The following SAMD12 variants were observed in gnomAD, a reference collection of about 807,000 sequenced individuals.
SAMD12 encodes the protein sterile alpha motif domain containing 12, also known as sterile alpha motif domain-containing protein 12.
Under a neutral mutation model 15.0 loss-of-function variants are expected in SAMD12, and 9 were observed. The observed-to-expected ratio is 0.60, with a 90% confidence interval of 0.36 to 1.05. The LOEUF is 1.05. SAMD12 is among the 50% of genes least tolerant of loss of function. The probability of loss-of-function intolerance (pLI) is 0.01; values close to 1 mark genes in which losing one functional copy is unlikely to be tolerated. For synonymous variants in SAMD12, 86 were observed against 90.1 expected (o/e 0.96, Z 0.25); for missense variants, 230 against 234.2 (o/e 0.98, Z 0.12).
At chr8:118,132,991 TATATATA>T in the SAMD12 span, among the ~76,000 whole-genome samples, 2 of 78,616 alleles carry the variant, frequency 2.5e-5, no homozygotes, top group Non-Finnish European at 5.4e-5. Flanking sequence ...TATATATATA[TATATATA>T]TATATATATA....
intron 3 of SAMD12, among the ~76,000 whole-genome samples, chr8:118,414,463 C>T (rs148838318): frequency 6.6e-6 from 1 of 152,278 alleles, no homozygotes; most frequent in African/African-American, 2.4e-5. Flanking sequence ...TCTTTATACC[C>T]AATCTACTTT....
At chr8:118,404,656 T>A (rs2130796179) in intron 3 of SAMD12, among the ~76,000 whole-genome samples, 1 of 152,280 alleles carries the variant, frequency 6.6e-6, no homozygotes, top group East Asian at 1.9e-4. Context: ...TATATGCAGA[T>A]TTCACGGGCC....
At chr8:118,507,347 T>C (rs34696241) in intron 2 of SAMD12, among the ~76,000 whole-genome samples, 34,574 of 152,020 alleles carry the variant, frequency 0.23, 4,151 homozygotes, top group South Asian at 0.41. Flanking sequence ...CACCTGTATA[T>C]ATGTCCCATA....
the SAMD12 span, among the ~76,000 whole-genome samples, chr8:118,167,720 C>A: frequency 8.5e-5 from 13 of 152,144 alleles, no homozygotes; most frequent in African/African-American, 3.1e-4. Context: ...TTCCTTCAGC[C>A]TTTCCCCTGA....
chr8:118,305,270 A>G (rs1012833832), intron 4 of SAMD12, among the ~76,000 whole-genome samples: 1 of 151,526 alleles, frequency 6.6e-6, no homozygotes, highest in Non-Finnish European at 1.5e-5. Flanking sequence ...GAAACTCTGA[A>G]CCTGTTAAAT....
In SAMD12 at chr8:118,281,608, C is replaced by T. The variant is rs1429080345; in HGVS notation, c.434-83876G>A. 2.0e-5 allele frequency among the ~76,000 whole-genome samples: 3 copies of T among 152,176 alleles called. No homozygotes were observed. The South Asian group carries it at 6.2e-4, about 32-fold the overall frequency. On this transcript the variant is annotated intron_variant, in intron 4 of 4. Coordinates refer to the SAMD12 transcript ENST00000409003. ...GTAGTGAGAATGTGTCATCTACATG[C>T]CAGTTTTCCCTTTAAATTGCATGAT... is the stretch of plus-strand genomic sequence containing the variant.
intron 4 of SAMD12, chr8:118,284,515 C>A: frequency 2.9e-6 from 1 of 349,970 alleles, no homozygotes; most frequent in African/African-American, 2.2e-5. Flanking sequence ...TCCATCTAGA[C>A]AAAAATGGAA....
intron 3 of SAMD12, among the ~76,000 whole-genome samples, chr8:118,407,659 ACAGT>A (rs1348604545): frequency 6.6e-6 from 1 of 152,196 alleles, no homozygotes; most frequent in East Asian, 1.9e-4. Context: ...ATTTGGAAAG[ACAGT>A]CAGTGAAGTG....
At chr8:118,332,016 C>T (rs1316229244) in intron 4 of SAMD12, among the ~76,000 whole-genome samples, 2 of 152,068 alleles carry the variant, frequency 1.3e-5, no homozygotes, top group Admixed American at 6.5e-5. Context: ...GGTACCACAC[C>T]TTCCAAATCC....
At chr8:118,444,055 C>T (rs779149538) in intron 2 of SAMD12, among the ~76,000 whole-genome samples, 22 of 152,162 alleles carry the variant, frequency 1.4e-4, no homozygotes, top group Non-Finnish European at 2.5e-4. Context: ...CACAGCCATC[C>T]CTAGAGGATG....
At chr8:118,577,298 C>T (rs929694764) in intron 2 of SAMD12, among the ~76,000 whole-genome samples, 2 of 152,108 alleles carry the variant, frequency 1.3e-5, no homozygotes, top group African/African-American at 2.4e-5. Context: ...CCCAAAATGT[C>T]ACTTTCTAAG....
At chr8:118,211,251 A>T (rs1586346933) in intron 4 of SAMD12, among the ~76,000 whole-genome samples, 1 of 152,236 alleles carries the variant, frequency 6.6e-6, no homozygotes, top group African/African-American at 2.4e-5. Flanking sequence ...ATAGTCTCCT[A>T]AACTAAACAA....
At chr8:118,384,025 C>A (rs949765407) in intron 3 of SAMD12, among the ~76,000 whole-genome samples, 7 of 151,882 alleles carry the variant, frequency 4.6e-5, no homozygotes, top group Non-Finnish European at 7.4e-5. Flanking sequence ...CAGACAGGGA[C>A]GCCTATTAAA....
chr8:118,280,797 A>C (rs1308383795), intron 4 of SAMD12, among the ~76,000 whole-genome samples: 1 of 152,106 alleles, frequency 6.6e-6, no homozygotes, highest in Non-Finnish European at 1.5e-5. Flanking sequence ...GGCCTCCAGC[A>C]TTTTGGTGGG....
intron 4 of SAMD12, among the ~76,000 whole-genome samples, chr8:118,274,533 CTG>C (rs1813430622): frequency 6.6e-6 from 1 of 152,124 alleles, no homozygotes. Flanking sequence ...ATAGAGAAAA[CTG>C]TATACAAGCC....
At chr8:118,594,659 CA>C (rs1827676568) in intron 1 of SAMD12, among the ~76,000 whole-genome samples, 1 of 152,122 alleles carries the variant, frequency 6.6e-6, no homozygotes, top group African/African-American at 2.4e-5. Flanking sequence ...AAAAATGATA[CA>C]GGACCCATTA....
rs1181005937 is a variant in SAMD12, at chr8:118,250,451, C to T, written c.434-52719G>A. 3.9e-5 allele frequency among the ~76,000 whole-genome samples: 6 copies of T among 151,912 alleles called. No homozygotes were observed. The East Asian group carries it at 9.7e-4, about 24-fold the overall frequency. ...CTAAACTTGTTAATTGTGGTGAATG[C>T]CCCCAAATACCCCAAGGATTAAAGT... On this transcript the variant is annotated intron_variant, in intron 4 of 4. Coordinates refer to the SAMD12 transcript ENST00000409003.
At chr8:118,204,107 C>T (rs866575845) in intron 4 of SAMD12, among the ~76,000 whole-genome samples, 1 of 152,096 alleles carries the variant, frequency 6.6e-6, no homozygotes, top group Non-Finnish European at 1.5e-5. Context: ...TCAATGCAAT[C>T]AAAACCTCTA....
chr8:118,489,070 T>C (rs1462349711), intron 2 of SAMD12, among the ~76,000 whole-genome samples: 1 of 152,190 alleles, frequency 6.6e-6, no homozygotes, highest in Non-Finnish European at 1.5e-5. Flanking sequence ...TTGTGGTATC[T>C]CTTTCTGTTT....
Sources: gnomAD v4.1 joint callset for allele counts (sites outside exome capture counted in the v4.1 genomes callset) on GRCh38, gnomAD v4.1.1 for gene constraint, MANE v1.5 for transcripts, NCBI Gene and HGNC (gene_info 2026-07-23, HGNC 2026-07-21) for gene names.